Variants in ONECUT2 observed in about 807,000 individuals in gnomAD.
ONECUT2 encodes one cut homeobox 2, also known as one cut domain family member 2.
A neutral mutation model predicts 27.9 loss-of-function variants in ONECUT2; 10 were observed. The observed-to-expected ratio is 0.36, with a 90% CI of 0.22 to 0.61. The LOEUF is 0.61. Ranked by LOEUF, ONECUT2 falls within the 20% of genes least tolerant of loss-of-function variation. The pLI is 0.73. For synonymous variants in ONECUT2, 334 were observed against 315.1 expected (o/e 1.06, Z -0.64); for missense variants, 686 against 721.0 (o/e 0.95, Z 0.56).
At chr18:57,441,656 A>G (rs1041578114) in intron 1 of ONECUT2, among the ~76,000 whole-genome samples, 4 of 152,248 alleles carry the variant, frequency 2.6e-5, no homozygotes, top group African/African-American at 9.6e-5. Flanking sequence ...GGCCGTTGCC[A>G]CTGGGCCCTG....
chr18:57,463,261 A>G (rs1400367533), intron 1 of ONECUT2, among the ~76,000 whole-genome samples: 2 of 152,104 alleles, frequency 1.3e-5, no homozygotes, highest in Admixed American at 6.5e-5. Context: ...GTATGGATCT[A>G]TTTCTGGGTT....
rs985266276 is a variant in ONECUT2, at chr18:57,479,372, A to G, written c.*2649A>G. The G allele has an allele frequency of 1.3e-5, 2 of 152,636 alleles. No individual in the cohort carries two copies. Among genetic ancestry groups the G allele is most frequent in the African/African-American group, 4.8e-5 (2 of 41,462 alleles). 9.5% of individuals were successfully genotyped at this position (152,636 alleles called of 1,614,324 possible). A position where few individuals can be genotyped will look rare whatever the true frequency, so the allele number is the denominator to read the frequency against. On this transcript the variant is annotated 3_prime_UTR_variant, in exon 2 of 2. Coordinates refer to ENST00000491143, the MANE Select transcript of ONECUT2 (RefSeq NM_004852.3). Reference sequence around the variant, plus strand: ...ATATATAAAATACATATATAGATCAACTTGACATTGGTGATAACCAAAATT... The same window carrying G: ...ATATATAAAATACATATATAGATCAGCTTGACATTGGTGATAACCAAAATT...
At chr18:57,471,779 G>C (rs2050355414) in intron 1 of ONECUT2, among the ~76,000 whole-genome samples, 1 of 152,172 alleles carries the variant, frequency 6.6e-6, no homozygotes, top group Non-Finnish European at 1.5e-5. Flanking sequence ...GGGAAAGGTA[G>C]CCTTATTGTA....
chr18:57,485,289 C>T lies in ONECUT2; in HGVS notation c.*8566C>T, dbSNP rs1156830965. On this transcript the variant is annotated 3_prime_UTR_variant, in exon 2 of 2. Coordinates refer to ENST00000491143, the MANE Select transcript of ONECUT2 (RefSeq NM_004852.3). ...TTTTTAGTTGTAGGTGTTTACATTT[C>T]ATTTCTAAGCCAACTCTGTATTTAT... 1 of 152,170 alleles carries T rather than the reference C, an allele frequency of 6.6e-6. No homozygotes were observed. The highest frequency in any genetic ancestry group is 1.5e-5 in the Non-Finnish European group (1 of 68,032). 9.4% of individuals were successfully genotyped at this position (152,170 alleles called of 1,614,324 possible).
In ONECUT2 at chr18:57,436,552, G is replaced by A. The variant is rs2050143771; in HGVS notation, c.836G>A (p.Arg279His). The A allele has an allele frequency of 2.5e-6, 4 of 1,611,658 alleles. No individual in the cohort carries two copies. In the South Asian group the frequency reaches 4.4e-5, roughly 18 times the overall value. The change falls in exon 1 of 2, where the codon CGC (arginine) becomes CAC (histidine). Residue 279 changes from arginine (R) to histidine (H), a missense_variant. This residue lies in a region of ONECUT2 where 511 missense variants were observed against 488.1 expected (regional missense o/e 1.05). Transcript: ENST00000491143. This position sits in a 1 kb window ranked among gnomAD's most constrained non-coding sequence, Gnocchi z 5.9. Reference protein sequence around the residue: ...MLTRGEQHLSRGLGTPPAAMM... With the variant: ...MLTRGEQHLSHGLGTPPAAMM... ...ACCCGCGGTGAGCAACACCTGTCCCGCGGCCTGGGCACCCCACCTGCGGCC... is the reference window on the plus strand; with the variant it reads ...ACCCGCGGTGAGCAACACCTGTCCCACGGCCTGGGCACCCCACCTGCGGCC...
At position 57,435,672 on chromosome 18, in the gene ONECUT2, G is replaced by GACCGCCCCC; in HGVS notation, c.-45_-44insACCGCCCCC. On this transcript the variant is annotated 5_prime_UTR_variant, in exon 1 of 2. Transcript: ENST00000491143. ...GCCACGCGCGCCTTGCCCGCCCGCC[G>GACCGCCCCC]GCCGCCCCCGCCGCCCCCGCCGCCC... 1.4e-6 allele frequency: 1 copy of GACCGCCCCC among 708,418 alleles called. No individual in the cohort carries two copies. The highest frequency in any genetic ancestry group is 1.8e-6 in the Non-Finnish European group (1 of 563,078). The allele number at this position is 708,418 out of a possible 1,614,324, so 43.9% of individuals were successfully genotyped here.
chr18:57,453,687 T>C (rs1295732001), intron 1 of ONECUT2, among the ~76,000 whole-genome samples: 1 of 152,270 alleles, frequency 6.6e-6, no homozygotes, highest in Non-Finnish European at 1.5e-5. Context: ...GCCGGAGTCA[T>C]AGGACTCTGA....
chr18:57,476,047 G>A (rs4940770), intron 1 of ONECUT2, among the ~76,000 whole-genome samples: 1 of 152,118 alleles, frequency 6.6e-6, no homozygotes, highest in Non-Finnish European at 1.5e-5. Flanking sequence ...TCGAGAGGGT[G>A]AATATGAAAG....
At chr18:57,446,665 A>G (rs892545168) in intron 1 of ONECUT2, among the ~76,000 whole-genome samples, 1 of 152,198 alleles carries the variant, frequency 6.6e-6, no homozygotes, top group Non-Finnish European at 1.5e-5. Flanking sequence ...TGCAAGCATT[A>G]TCTTCCTAGA....
At chr18:57,476,039 G>T (rs767751849) in intron 1 of ONECUT2, among the ~76,000 whole-genome samples, 4 of 152,090 alleles carry the variant, frequency 2.6e-5, no homozygotes, top group African/African-American at 7.2e-5. Flanking sequence ...TAAACAATTC[G>T]AGAGGGTGAA....
intron 1 of ONECUT2, among the ~76,000 whole-genome samples, chr18:57,466,813 G>A (rs1482329051): frequency 6.6e-6 from 1 of 152,240 alleles, no homozygotes; most frequent in Admixed American, 6.5e-5. Flanking sequence ...CTAGGAGTCT[G>A]TGGTTTTAGC....
Position 57,484,491 on chromosome 18 carries a change from T to C in ONECUT2, c.*7768T>C, listed in dbSNP as rs2050429734. The C allele has an allele frequency of 6.6e-6, 1 of 152,654 alleles. No homozygotes were observed. The highest frequency in any genetic ancestry group is 1.5e-5 in the Non-Finnish European group (1 of 68,032). 9.5% of individuals were successfully genotyped at this position (152,654 alleles called of 1,614,324 possible). On this transcript the variant is annotated 3_prime_UTR_variant, in exon 2 of 2. Transcript: ENST00000491143. ...ATTTTCTGTGTTTCTCTTATATGTT[T>C]GCTGTCTGCTCGACATGTTCAAGAT...
In ONECUT2 at chr18:57,483,941, AGTTT is replaced by A. The variant is rs920493787; in HGVS notation, c.*7224_*7227del. On this transcript the variant is annotated 3_prime_UTR_variant, in exon 2 of 2. Transcript: ENST00000491143. ...AATTTAAAACAACAGAGAGCACTGC[AGTTT>A]GTTTGCTGTCAGAACAACAGAGCAA... 6.6e-6 allele frequency: 1 copy of A among 152,606 alleles called. No homozygotes were observed. The highest frequency in any genetic ancestry group is 1.5e-5 in the Non-Finnish European group (1 of 68,034). 9.5% of individuals were successfully genotyped at this position (152,606 alleles called of 1,614,324 possible). A position where few individuals can be genotyped will look rare whatever the true frequency, so the allele number is the denominator to read the frequency against.
rs909253898 is a variant in ONECUT2 at position 57,435,851 on chromosome 18, C to G, written c.135C>G (p.Gly45=). The change falls in exon 1 of 2, where the codon GGC becomes GGG. Residue 45 remains glycine, a synonymous_variant. Transcript: ENST00000491143. ...PAGGGSGGGG[G]GGGGGGGGGP... ...GCGGCGGCAGTGGCGGGGGCGGCGGCGGGGGCGGCGGGGGCGGCGGCGGGG... is the reference window on the plus strand; with the variant it reads ...GCGGCGGCAGTGGCGGGGGCGGCGGGGGGGGCGGCGGGGGCGGCGGCGGGG... 1.3e-5 allele frequency: 10 copies of G among 750,950 alleles called. No individual in the cohort carries two copies. In the African/African-American group the frequency reaches 1.8e-4, roughly 13 times the overall value. The allele number at this position is 750,950 out of a possible 1,614,324, so 46.5% of individuals were successfully genotyped here.
In ONECUT2 at chr18:57,479,337, G is replaced by T. The variant is rs1277039396; in HGVS notation, c.*2614G>T. ...CTGTAAAGTTGCATTTCTAAAGAAA[G>T]ATATATATAATATATAAAATACATA... On this transcript the variant is annotated 3_prime_UTR_variant, in exon 2 of 2. Transcript: ENST00000491143. 6.6e-6 allele frequency: 1 copy of T among 152,456 alleles called. No individual in the cohort carries two copies. The highest frequency in any genetic ancestry group is 6.5e-5 in the Admixed American group (1 of 15,272). 9.4% of individuals were successfully genotyped at this position (152,456 alleles called of 1,614,324 possible). A position where few individuals can be genotyped will look rare whatever the true frequency, so the allele number is the denominator to read the frequency against.
chr18:57,453,522 G>A (rs1217567), intron 1 of ONECUT2, among the ~76,000 whole-genome samples: 127,047 of 143,390 alleles, frequency 0.89, 55,552 homozygotes, highest in Non-Finnish European at 0.98. Context: ...ATGAAATGGC[G>A]TCCTACGAAT....
At chr18:57,441,419 T>C (rs1219175652) in intron 1 of ONECUT2, among the ~76,000 whole-genome samples, 1 of 152,230 alleles carries the variant, frequency 6.6e-6, no homozygotes, top group African/African-American at 2.4e-5. Context: ...TTCTCCCGTC[T>C]GACCGCAGCT....
chr18:57,444,958 G>A (rs985905728), intron 1 of ONECUT2, among the ~76,000 whole-genome samples: 45 of 152,130 alleles, frequency 3.0e-4, no homozygotes, highest in African/African-American at 1.0e-3. Context: ...ACCCAGTTGG[G>A]GATGTTTTTC....
intron 1 of ONECUT2, among the ~76,000 whole-genome samples, chr18:57,469,859 A>G (rs1474432994): frequency 6.6e-6 from 1 of 152,194 alleles, no homozygotes; most frequent in Non-Finnish European, 1.5e-5. Flanking sequence ...TCCCCACTCT[A>G]TAGGATCAGG....
Sources: gnomAD v4.1 joint callset for allele counts (sites outside exome capture counted in the v4.1 genomes callset) on GRCh38, gnomAD v4.1.1 for gene constraint, gnomAD v4.1.1 regional missense constraint, Gnocchi (gnomAD v3.1) non-coding constraint, MANE v1.5 for transcripts, NCBI Gene and HGNC (gene_info 2026-07-23, HGNC 2026-07-21) for gene names.